GPHN: variants seen among roughly 807,000 people sequenced by gnomAD.
The protein encoded by GPHN is gephyrin.
In GPHN, 17 loss-of-function variants were observed where a neutral mutation model predicts 95.5. The observed-to-expected ratio is 0.18, with a 90% CI of 0.12 to 0.27. The LOEUF (loss-of-function observed/expected upper bound fraction) is 0.27. Ranked by LOEUF, GPHN falls within the 10% of genes least tolerant of loss-of-function variation. The pLI is 1.00. For synonymous variants in GPHN, 320 were observed against 322.5 expected (o/e 0.99, Z 0.08); for missense variants, 660 against 978.1 (o/e 0.67, Z 4.34).
chr14:66,787,924 A>G (rs181591223), intron 3 of GPHN, among the ~76,000 whole-genome samples: 31 of 152,214 alleles, frequency 2.0e-4, no homozygotes, highest in East Asian at 1.9e-3. Flanking sequence ...ACCTGGGGCT[A>G]GATGAATGAA....
At chr14:67,018,625 C>T (rs1038486743) in intron 9 of GPHN, among the ~76,000 whole-genome samples, 1 of 152,046 alleles carries the variant, frequency 6.6e-6, no homozygotes, top group African/African-American at 2.4e-5. Context: ...TACTGAGAAA[C>T]GTATAACTGT....
the GPHN span, among the ~76,000 whole-genome samples, chr14:67,707,085 T>C: frequency 6.6e-6 from 1 of 152,238 alleles, no homozygotes; most frequent in African/African-American, 2.4e-5. Context: ...GTTATTTTCT[T>C]CTGAAGTTTA....
At chr14:66,791,637 CT>C (rs1249337918) in intron 3 of GPHN, among the ~76,000 whole-genome samples, 1 of 152,162 alleles carries the variant, frequency 6.6e-6, no homozygotes, top group African/African-American at 2.4e-5. Context: ...GTGGGAGTGT[CT>C]TTTAGCATGC....
chr14:67,223,289 T>G, the GPHN span, among the ~76,000 whole-genome samples: 1 of 152,098 alleles, frequency 6.6e-6, no homozygotes, highest in African/African-American at 2.4e-5. Context: ...CGTGAGCCAC[T>G]GCGCCTGGCC....
the GPHN span, among the ~76,000 whole-genome samples, chr14:67,390,229 A>G: frequency 2.0e-5 from 3 of 152,300 alleles, no homozygotes; most frequent in East Asian, 3.9e-4. Flanking sequence ...CTTAAATATT[A>G]TATGGTGACA....
the GPHN span, among the ~76,000 whole-genome samples, chr14:67,313,698 T>C: frequency 5.9e-5 from 9 of 152,300 alleles, no homozygotes; most frequent in South Asian, 1.7e-3. Context: ...GTCTGCACCA[T>C]GTAAAGCACT....
the GPHN span, among the ~76,000 whole-genome samples, chr14:67,565,520 G>C: frequency 6.6e-6 from 1 of 152,134 alleles, no homozygotes; most frequent in East Asian, 1.9e-4. Flanking sequence ...ACCTTACCCG[G>C]TCTGAGAGCC....
chr14:66,638,801 A>G (rs1310199560), intron 1 of GPHN, among the ~76,000 whole-genome samples: 1 of 152,072 alleles, frequency 6.6e-6, no homozygotes, highest in East Asian at 1.9e-4. Context: ...GTCAAATCAG[A>G]TATCAGGGCT....
chr14:66,722,226 A>G (rs2070820725), intron 2 of GPHN, among the ~76,000 whole-genome samples: 1 of 152,132 alleles, frequency 6.6e-6, no homozygotes, highest in Non-Finnish European at 1.5e-5. Context: ...TAAAGGTAAC[A>G]TGAAATTGTT....
the GPHN span, among the ~76,000 whole-genome samples, chr14:67,721,845 A>C: frequency 6.6e-6 from 1 of 151,972 alleles, no homozygotes; most frequent in African/African-American, 2.4e-5. Flanking sequence ...GAGTTAACAG[A>C]GAGGTTTAGT....
At chr14:67,464,080 G>A in the GPHN span, among the ~76,000 whole-genome samples, 22 of 152,126 alleles carry the variant, frequency 1.4e-4, 2 homozygotes, top group African/African-American at 5.3e-4. Context: ...GTGAGAGTGT[G>A]TGTGTGTGTG....
the GPHN span, chr14:67,574,326 C>G: frequency 1.9e-6 from 3 of 1,604,002 alleles, no homozygotes; most frequent in Non-Finnish European, 2.6e-6. The surrounding 1 kb of genome is among the most constrained non-coding windows in gnomAD (Gnocchi z 4.2). Flanking sequence ...CCAGAGCCTG[C>G]TGAAGGTGCA....
chr14:66,614,577 G>A (rs1363866204), intron 1 of GPHN, among the ~76,000 whole-genome samples: 4 of 125,612 alleles, frequency 3.2e-5, no homozygotes, highest in African/African-American at 1.5e-4. Flanking sequence ...CAAAACTTTA[G>A]CTTTTTTTTT....
intron 13 of GPHN, among the ~76,000 whole-genome samples, chr14:67,106,238 G>T (rs1050998145): frequency 1.3e-5 from 2 of 152,038 alleles, no homozygotes; most frequent in Non-Finnish European, 2.9e-5. Context: ...TTCCTGTCCT[G>T]TAAGGTTTCT....
chr14:67,704,257 G>C, the GPHN span, among the ~76,000 whole-genome samples: 22 of 152,270 alleles, frequency 1.4e-4, no homozygotes, highest in African/African-American at 4.3e-4. Context: ...GAAGGAGGAG[G>C]AGCAGCTAGA....
At chr14:67,343,372 C>T in the GPHN span, 1 of 1,610,254 alleles carries the variant, frequency 6.2e-7, no homozygotes, top group South Asian at 1.1e-5. Flanking sequence ...TAATACTCAC[C>T]ATGTTCAATG....
intron 4 of GPHN, among the ~76,000 whole-genome samples, chr14:66,859,656 A>G (rs1469892900): frequency 2.6e-5 from 4 of 152,358 alleles, no homozygotes; most frequent in Non-Finnish European, 4.4e-5. Context: ...AGCTTGAAGA[A>G]ACAGAGATAT....
chr14:67,687,540 CAG>C, the GPHN span, among the ~76,000 whole-genome samples: 1 of 137,282 alleles, frequency 7.3e-6, no homozygotes, highest in Non-Finnish European at 1.5e-5. Flanking sequence ...GGTATGATCT[CAG>C]CTCACCACAA....
the GPHN span, chr14:67,345,956 A>T: frequency 1.2e-6 from 1 of 823,434 alleles, no homozygotes; most frequent in Non-Finnish European, 2.0e-6. Context: ...ATTCAGAATA[A>T]TAACAAATAT....
Sources: gnomAD v4.1 joint callset for allele counts (sites outside exome capture counted in the v4.1 genomes callset) on GRCh38, gnomAD v4.1.1 for gene constraint, Gnocchi (gnomAD v3.1) non-coding constraint, MANE v1.5 for transcripts, NCBI Gene and HGNC (gene_info 2026-07-23, HGNC 2026-07-21) for gene names.